ERI1: variants seen among roughly 807,000 people sequenced by gnomAD.
ERI1 encodes exoribonuclease 1, also known as 3'-5' exoribonuclease 1.
A neutral mutation model predicts 39.7 loss-of-function variants in ERI1; 39 were observed. That is an observed-to-expected ratio of 0.98 (90% CI 0.76 to 1.28). The LOEUF (loss-of-function observed/expected upper bound fraction) is 1.28. ERI1 is among the 50% of genes most tolerant of loss of function. The pLI is 0.00. For synonymous variants in ERI1, 204 were observed against 149.6 expected, an observed-to-expected ratio of 1.36 and a Z score of -2.65; for missense variants, 581 against 416.9, an observed-to-expected ratio of 1.39 and a Z score of -3.43.
chr8:9,093,214 C>T (rs564055299), intron 3 of ERI1, among the ~76,000 whole-genome samples: 4 of 152,136 alleles, frequency 2.6e-5, no homozygotes, highest in South Asian at 2.1e-4. Context: ...TGTCTTGGGC[C>T]GCACGTAAAA....
rs553477303 is a variant in ERI1 at position 9,067,770 on chromosome 8, G to T, written n.299+47306G>T. Among the ~76,000 whole-genome samples the T allele has an allele frequency of 2.9e-4, 44 of 152,118 alleles. 1 individual carries two copies. In the South Asian group the frequency reaches 9.1e-3, roughly 32 times the overall value. On this transcript the variant is annotated intron_variant and non_coding_transcript_variant, in intron 3 of 3. Coordinates refer to the ERI1 transcript ENST00000518663. ...CTGGGTTCCACGGTATTAACTGAAT[G>T]ATTTCAAGATTACACAGCTAGTCTG...
At chr8:9,053,953 G>T (rs1301574288) in intron 3 of ERI1, among the ~76,000 whole-genome samples, 1 of 152,180 alleles carries the variant, frequency 6.6e-6, no homozygotes, top group Non-Finnish European at 1.5e-5. Flanking sequence ...TCAACAGGTT[G>T]TTTGGAAGTG....
At chr8:9,062,463 A>G (rs564346414) in intron 3 of ERI1, among the ~76,000 whole-genome samples, 3 of 150,918 alleles carry the variant, frequency 2.0e-5, no homozygotes, top group East Asian at 4.0e-4. Flanking sequence ...GCAAAAAAGA[A>G]TGTTTTCTAA....
intron 3 of ERI1, among the ~76,000 whole-genome samples, chr8:9,013,921 C>T (rs1259368784): frequency 6.6e-6 from 1 of 152,202 alleles, no homozygotes; most frequent in East Asian, 1.9e-4. Flanking sequence ...TTCTGATCCT[C>T]TATCATTTAT....
rs370755579 is a variant in ERI1 at position 9,053,167 on chromosome 8, C to T, written n.299+32703C>T. 3.9e-5 allele frequency among the ~76,000 whole-genome samples: 6 copies of T among 152,322 alleles called. No homozygotes were observed. The East Asian group carries it at 9.6e-4, about 24-fold the overall frequency. ...GAATAGCTGGGACCACAGGCATGCA[C>T]TACCACACCTGGCTAATTTTCATAT... is the stretch of plus-strand genomic sequence containing the variant. On this transcript the variant is annotated intron_variant and non_coding_transcript_variant, in intron 3 of 3. Transcript: ENST00000518663.
intron 3 of ERI1, among the ~76,000 whole-genome samples, chr8:9,067,616 C>G (rs571729637): frequency 5.4e-5 from 8 of 148,588 alleles, no homozygotes; most frequent in African/African-American, 1.7e-4. Context: ...GATCGCACCA[C>G]TGCACTCCAG....
chr8:9,070,938 G>C (rs1799027808), intron 3 of ERI1, among the ~76,000 whole-genome samples: 1 of 152,184 alleles, frequency 6.6e-6, no homozygotes, highest in South Asian at 2.1e-4. Context: ...AGCTGGGACA[G>C]AGACTTACAA....
intron 3 of ERI1, among the ~76,000 whole-genome samples, chr8:9,092,424 G>C (rs375160168): frequency 1.3e-5 from 2 of 152,194 alleles, no homozygotes; most frequent in African/African-American, 4.8e-5. Context: ...CTGAGTCTGG[G>C]CTGGAATGAG....
At chr8:9,085,367 C>G (rs535975079) in intron 3 of ERI1, among the ~76,000 whole-genome samples, 2 of 152,160 alleles carry the variant, frequency 1.3e-5, no homozygotes, top group African/African-American at 4.8e-5. Context: ...TACTTCCATG[C>G]CTGGCTAATT....
At chr8:9,062,348 T>C (rs557017086) in intron 3 of ERI1, among the ~76,000 whole-genome samples, 14 of 151,660 alleles carry the variant, frequency 9.2e-5, no homozygotes, top group African/African-American at 3.4e-4. Flanking sequence ...AGGGCAGCAA[T>C]GAGGTGTGGC....
chr8:9,019,148 G>T (rs192046129), intron 5 of ERI1, among the ~76,000 whole-genome samples: 65 of 152,290 alleles, frequency 4.3e-4, no homozygotes, highest in African/African-American at 1.6e-3. Context: ...TAAATGAAAA[G>T]CTAAATGGGA....
At chr8:9,010,732 T>C (rs182654130) in intron 2 of ERI1, among the ~76,000 whole-genome samples, 2 of 152,200 alleles carry the variant, frequency 1.3e-5, no homozygotes, top group Non-Finnish European at 2.9e-5. Context: ...TGGTTGCAAC[T>C]TAATTTTTTG....
At chr8:9,041,964 C>T (rs898595932) in intron 3 of ERI1, among the ~76,000 whole-genome samples, 1 of 152,180 alleles carries the variant, frequency 6.6e-6, no homozygotes. Context: ...GAACTCCTGA[C>T]CTTGGGTGAT....
chr8:9,026,650 A>C (rs969067560), intron 6 of ERI1, among the ~76,000 whole-genome samples: 1 of 152,206 alleles, frequency 6.6e-6, no homozygotes, highest in African/African-American at 2.4e-5. Flanking sequence ...GAAATGCTCC[A>C]AAAATCTGAA....
At chr8:9,015,739 A>AAAAAAAAAAAAAAAAC (rs10704637) in intron 3 of ERI1, among the ~76,000 whole-genome samples, 1 of 150,272 alleles carries the variant, frequency 6.7e-6, no homozygotes, top group Non-Finnish European at 1.5e-5. Context: ...AAAAAAAAAA[A>AAAAAAAAAAAAAAAAC]AAGAGACCAT....
At chr8:9,028,623 A>G (rs564428263) in intron 6 of ERI1, among the ~76,000 whole-genome samples, 10 of 150,474 alleles carry the variant, frequency 6.6e-5, no homozygotes, top group South Asian at 2.1e-4. Context: ...AAATATAACA[A>G]TTTTTTTTTT....
At chr8:9,048,911 G>A (rs1178403884) in intron 3 of ERI1, among the ~76,000 whole-genome samples, 1 of 152,066 alleles carries the variant, frequency 6.6e-6, no homozygotes, top group Admixed American at 6.5e-5. Flanking sequence ...CTCCCAAAGT[G>A]CTGGGATTAC....
intron 1 of ERI1, among the ~76,000 whole-genome samples, chr8:9,006,573 T>G (rs1343846346): frequency 6.6e-6 from 1 of 152,234 alleles, no homozygotes; most frequent in East Asian, 1.9e-4. Context: ...AATGTAAATT[T>G]AAAGTCAAAA....
chr8:9,016,378 C>G lies in ERI1; in HGVS notation c.555C>G (p.Phe185Leu). The change falls in exon 4 of 7, where the codon TTC becomes TTG. Residue 185 changes from phenylalanine to leucine, a missense_variant. By Grantham distance (22) the Phe-to-Leu change is conservative. Transcript: ENST00000250263. Reference sequence around the variant, plus strand: ...AGATTAACACACAGCTGTCTGATTTCTGCATCAGTCTAACTGGAATTACTC... The same window carrying G: ...AGATTAACACACAGCTGTCTGATTTGTGCATCAGTCTAACTGGAATTACTC... ...RPEINTQLSDFCISLTGITQD... is the reference protein window; with the variant it reads ...RPEINTQLSDLCISLTGITQD... The G allele has an allele frequency of 6.2e-7, 1 of 1,606,810 alleles. No homozygotes were observed. Among genetic ancestry groups the G allele is most frequent in the South Asian group, 1.1e-5 (1 of 90,160 alleles).
Sources: gnomAD v4.1 joint callset for allele counts (sites outside exome capture counted in the v4.1 genomes callset) on GRCh38, gnomAD v4.1.1 for gene constraint, MANE v1.5 for transcripts, NCBI Gene and HGNC (gene_info 2026-07-23, HGNC 2026-07-21) for gene names.